Variants in GFOD1 observed in about 807,000 individuals in gnomAD.
GFOD1 encodes the protein glucose-fructose oxidoreductase domain-containing protein 1.
In GFOD1, 9 loss-of-function variants were observed where a neutral mutation model predicts 25.4. The observed-to-expected ratio is 0.35, with a 90% CI of 0.21 to 0.62. The LOEUF is 0.62. Ranked by LOEUF, GFOD1 falls within the 20% of genes least tolerant of loss-of-function variation. GFOD1 has a pLI of 0.72. For missense variants in GFOD1, 403 were observed against 556.9 expected, an observed-to-expected ratio of 0.72 and a Z score of 2.78; for synonymous variants, 253 against 245.6, an observed-to-expected ratio of 1.03 and a Z score of -0.28.
rs1204317779 is a variant in GFOD1 at position 13,364,782 on chromosome 6, G to A, written c.1134C>T (p.Ser378=). The A allele has an allele frequency of 1.9e-6, 3 of 1,613,626 alleles. No homozygotes were observed. The highest frequency in any genetic ancestry group is 8.5e-7 in the Non-Finnish European group (1 of 1,179,934). The change falls in exon 2 of 2, where the codon AGC becomes AGT. Residue 378 remains serine, a synonymous_variant. Coordinates refer to ENST00000379287, the MANE Select transcript of GFOD1 (RefSeq NM_018988.4). This position sits in a 1 kb window ranked among gnomAD's most constrained non-coding sequence, Gnocchi z 4.1. ...ACATCCTGCTGCGGCGCATGGCCTC[G>A]CTGATCAGGTAGGCGGGGCTCAGCT... ...EPELSPAYLI[S]EAMRRSRMSL...
chr6:13,408,177 G>T, intron 1 of GFOD1: 1 of 739,164 alleles, frequency 1.4e-6, no homozygotes, highest in Non-Finnish European at 1.7e-6. Flanking sequence ...GCCTCTGCCT[G>T]ATCAGAACAC....
intron 1 of GFOD1, among the ~76,000 whole-genome samples, chr6:13,370,627 C>T (rs369139305): frequency 1.3e-5 from 2 of 152,048 alleles, no homozygotes; most frequent in East Asian, 3.9e-4. Flanking sequence ...CCCAAATCTT[C>T]GCTATCAAAA....
chr6:13,390,068 C>T (rs1236580881), intron 1 of GFOD1, among the ~76,000 whole-genome samples: 1 of 152,120 alleles, frequency 6.6e-6, no homozygotes. Context: ...AGTCCCACCA[C>T]CTCTGGGACA....
At chr6:13,427,408 C>T (rs1213992314) in intron 1 of GFOD1, among the ~76,000 whole-genome samples, 2 of 152,174 alleles carry the variant, frequency 1.3e-5, no homozygotes, top group African/African-American at 4.8e-5. Flanking sequence ...GCCTGTAATC[C>T]CAGCACTTTG....
intron 1 of GFOD1, among the ~76,000 whole-genome samples, chr6:13,392,701 G>A (rs983220097): frequency 6.6e-6 from 1 of 151,994 alleles, no homozygotes; most frequent in African/African-American, 2.4e-5. Flanking sequence ...TGAGAGAGGG[G>A]GTAAGCAGAT....
chr6:13,480,138 A>G (rs537246277), intron 1 of GFOD1, among the ~76,000 whole-genome samples: 30 of 152,296 alleles, frequency 2.0e-4, no homozygotes, highest in Admixed American at 5.9e-4. Context: ...AAAAGGGCCA[A>G]TTGCTCCAGG....
chr6:13,420,347 C>T lies in GFOD1; in HGVS notation c.254-54685G>A, dbSNP rs114944074. 5.5e-3 allele frequency among the ~76,000 whole-genome samples: 835 copies of T among 152,302 alleles called. 9 individuals carry two copies. The highest frequency in any genetic ancestry group is 0.036 in the East Asian group (184 of 5,182). The stretch of plus-strand genomic sequence containing the variant: ...GGTCTGAGGGCGAGGGAACAGCAGT[C>T]GAATTCTGGCAGGAAGAGGGCATCC... On this transcript the variant is annotated intron_variant, in intron 1 of 1. Transcript: ENST00000379287.
chr6:13,370,515 T>G (rs372364896), intron 1 of GFOD1, among the ~76,000 whole-genome samples: 149 of 152,090 alleles, frequency 9.8e-4, no homozygotes, highest in African/African-American at 3.4e-3. Context: ...CTCTGCATTC[T>G]GGACAGTCTT....
chr6:13,416,436 T>G (rs1241597704), intron 1 of GFOD1, among the ~76,000 whole-genome samples: 1 of 152,166 alleles, frequency 6.6e-6, no homozygotes, highest in Admixed American at 6.5e-5. Context: ...GGAACTTACT[T>G]TAGAAACAGC....
intron 1 of GFOD1, among the ~76,000 whole-genome samples, chr6:13,392,161 G>C (rs919097372): frequency 2.0e-5 from 3 of 151,812 alleles, no homozygotes; most frequent in African/African-American, 7.3e-5. Context: ...AGCAGTTCGA[G>C]ACCAGCCTGG....
chr6:13,485,206 T>C (rs146452347), intron 1 of GFOD1, among the ~76,000 whole-genome samples: 4 of 152,326 alleles, frequency 2.6e-5, no homozygotes, highest in South Asian at 4.1e-4. Context: ...TGCATCTGAG[T>C]CAATAGCCAA....
At chr6:13,409,140 A>AAAGAAAGAAG (rs1786007195) in intron 1 of GFOD1, among the ~76,000 whole-genome samples, 1 of 48,992 alleles carries the variant, frequency 2.0e-5, no homozygotes, top group Admixed American at 3.2e-4. Flanking sequence ...AAAGAAAGAA[A>AAAGAAAGAAG]GAAAGAAAGA....
At chr6:13,452,909 C>T (rs1037287201) in intron 1 of GFOD1, among the ~76,000 whole-genome samples, 1 of 152,220 alleles carries the variant, frequency 6.6e-6, no homozygotes, top group Non-Finnish European at 1.5e-5. Flanking sequence ...TCTAGTTAGA[C>T]AGTCCCACCA....
chr6:13,376,371 G>A (rs968896649), intron 1 of GFOD1, among the ~76,000 whole-genome samples: 40 of 152,236 alleles, frequency 2.6e-4, no homozygotes, highest in African/African-American at 7.9e-4. Context: ...ACTGTACCTC[G>A]GTGGTCGCTA....
intron 1 of GFOD1, chr6:13,471,894 A>G (rs1410833561): frequency 6.6e-6 from 1 of 152,634 alleles, no homozygotes; most frequent in East Asian, 1.9e-4. Context: ...GGCTAGGACA[A>G]CTGAGGAAAC....
At chr6:13,471,305 GC>G (rs377116320) in intron 1 of GFOD1, among the ~76,000 whole-genome samples, 145 of 152,242 alleles carry the variant, frequency 9.5e-4, no homozygotes, top group African/African-American at 3.3e-3. Context: ...GCTTCTTGGT[GC>G]TTTGAGGAGG....
At chr6:13,432,595 G>A (rs984153846) in intron 1 of GFOD1, among the ~76,000 whole-genome samples, 1 of 152,134 alleles carries the variant, frequency 6.6e-6, no homozygotes, top group African/African-American at 2.4e-5. Flanking sequence ...AGCCAAAGGT[G>A]ACGCTTCTGC....
At chr6:13,389,171 T>C (rs1180673587) in intron 1 of GFOD1, among the ~76,000 whole-genome samples, 2 of 152,208 alleles carry the variant, frequency 1.3e-5, no homozygotes, top group Non-Finnish European at 2.9e-5. Context: ...GGTGGGAGTG[T>C]AAATTAGTTT....
chr6:13,483,647 G>A (rs1758804378), intron 1 of GFOD1, among the ~76,000 whole-genome samples: 1 of 152,122 alleles, frequency 6.6e-6, no homozygotes, highest in African/African-American at 2.4e-5. Flanking sequence ...AGTTTCAGAT[G>A]GCATCAAACA....
Sources: gnomAD v4.1 joint callset for allele counts (sites outside exome capture counted in the v4.1 genomes callset) on GRCh38, gnomAD v4.1.1 for gene constraint, Gnocchi (gnomAD v3.1) non-coding constraint, MANE v1.5 for transcripts, NCBI Gene and HGNC (gene_info 2026-07-23, HGNC 2026-07-21) for gene names.